SCN2A: variants seen among roughly 807,000 people sequenced by gnomAD.
SCN2A encodes sodium voltage-gated channel alpha subunit 2, also known as sodium channel protein type 2 subunit alpha.
In SCN2A, 20 loss-of-function variants were observed where a neutral mutation model predicts 188.7. The observed-to-expected ratio is 0.11, with a 90% CI of 0.07 to 0.15. SCN2A has a LOEUF of 0.15. Ranked by LOEUF, SCN2A falls within the 10% of genes least tolerant of loss-of-function variation. The pLI, the probability that SCN2A is intolerant of heterozygous loss-of-function variation, is 1.00. For missense variants in SCN2A, 1,278 were observed against 2,445.0 expected, an observed-to-expected ratio of 0.52 and a Z score of 10.07; for synonymous variants, 804 against 833.1, an observed-to-expected ratio of 0.97 and a Z score of 0.60.
intron 20 of SCN2A, 94 bp downstream of exon 20, chr2:165,370,393 GT>G: frequency 8.4e-6 from 10 of 1,191,864 alleles, no homozygotes; most frequent in Non-Finnish European, 1.3e-5. Context: ...CAGTAACACT[GT>G]ATCAGCCCAA....
At chr2:165,360,691 T>C (rs1291995598) in intron 17 of SCN2A, among the ~76,000 whole-genome samples, 1 of 151,936 alleles carries the variant, frequency 6.6e-6, no homozygotes, top group African/African-American at 2.4e-5. Context: ...GCAAGGGCTA[T>C]GCTACAAACA....
intron 1 of SCN2A, among the ~76,000 whole-genome samples, chr2:165,247,381 C>T (rs1286374865): frequency 2.0e-5 from 3 of 151,920 alleles, no homozygotes; most frequent in South Asian, 2.1e-4. Flanking sequence ...TTTAAATTTA[C>T]GTTAGTCAAG....
chr2:165,351,082 T>C (rs1040660045), intron 16 of SCN2A, among the ~76,000 whole-genome samples: 1 of 152,156 alleles, frequency 6.6e-6, no homozygotes, highest in Non-Finnish European at 1.5e-5. Context: ...ATTTATTTTA[T>C]AGATGAGGAA....
intron 21 of SCN2A, among the ~76,000 whole-genome samples, chr2:165,374,295 A>C (rs1253431570): frequency 6.6e-6 from 1 of 152,126 alleles, no homozygotes; most frequent in Non-Finnish European, 1.5e-5. Flanking sequence ...TTTGATCCCC[A>C]AGTGGTCTCT....
intron 1 of SCN2A, among the ~76,000 whole-genome samples, chr2:165,247,831 A>G (rs1341771985): frequency 1.3e-5 from 2 of 152,210 alleles, no homozygotes; most frequent in East Asian, 3.8e-4. Context: ...TTGGATATCT[A>G]GAAGACACTG....
chr2:165,240,057 GC>G (rs1693547553), intron 1 of SCN2A: 1 of 152,200 alleles, frequency 6.6e-6, no homozygotes, highest in Admixed American at 6.5e-5. Flanking sequence ...TCAGAGGCAA[GC>G]CAATATTCTG....
intron 10 of SCN2A, 44 bp from the exon 11 acceptor site, chr2:165,315,427 T>A: frequency 6.2e-7 from 1 of 1,611,658 alleles, no homozygotes; most frequent in Non-Finnish European, 8.5e-7. Flanking sequence ...GATAATTACT[T>A]TTTAAGTTTA....
At chr2:165,313,184 T>C (rs1022757923) in intron 8 of SCN2A, among the ~76,000 whole-genome samples, 10 of 152,110 alleles carry the variant, frequency 6.6e-5, no homozygotes, top group Non-Finnish European at 7.4e-5. Context: ...ATGACATTTT[T>C]ACCACACAGT....
intron 14 of SCN2A, among the ~76,000 whole-genome samples, chr2:165,336,982 G>A (rs1699035793): frequency 6.6e-6 from 1 of 151,718 alleles, no homozygotes; most frequent in Admixed American, 6.6e-5. Flanking sequence ...GCGGTACATA[G>A]AAATAGATCT....
At chr2:165,284,870 G>A (rs1169883025) in intron 1 of SCN2A, among the ~76,000 whole-genome samples, 1 of 152,074 alleles carries the variant, frequency 6.6e-6, no homozygotes, top group Non-Finnish European at 1.5e-5. Context: ...ATTTAGAGAC[G>A]GTTGAATGAG....
chr2:165,291,526 TTCC>T (rs1696183912), intron 1 of SCN2A, among the ~76,000 whole-genome samples: 1 of 17,070 alleles, frequency 5.9e-5, no homozygotes, highest in Non-Finnish European at 1.1e-4. Flanking sequence ...TCTCCTTTCT[TTCC>T]TTCCTTCCTT....
At chr2:165,368,802 A>G (rs1299397027) in intron 19 of SCN2A, among the ~76,000 whole-genome samples, 1 of 152,170 alleles carries the variant, frequency 6.6e-6, no homozygotes. Flanking sequence ...AGTTGATTTC[A>G]TTAGGAGAAT....
chr2:165,245,124 T>G (rs1461007443), intron 1 of SCN2A, among the ~76,000 whole-genome samples: 1 of 152,192 alleles, frequency 6.6e-6, no homozygotes, highest in African/African-American at 2.4e-5. Context: ...AGCCCAGCAT[T>G]TCCAGCTAGG....
intron 13 of SCN2A, chr2:165,327,325 A>G: frequency 3.6e-6 from 1 of 275,942 alleles, no homozygotes; most frequent in Non-Finnish European, 7.1e-6. Context: ...TTTGGATTAT[A>G]TTAACTGCTT....
chr2:165,318,790 G>A (rs1251620926), intron 11 of SCN2A, among the ~76,000 whole-genome samples: 1 of 151,986 alleles, frequency 6.6e-6, no homozygotes, highest in Non-Finnish European at 1.5e-5. Context: ...AGCTAATGAG[G>A]AGCAGTATGT....
At chr2:165,294,040 A>ATAT in intron 1 of SCN2A, 6 of 629,734 alleles carry the variant, frequency 9.5e-6, no homozygotes, top group African/African-American at 2.7e-5. Flanking sequence ...AAAAAAAAAG[A>ATAT]TTTTTTTTTT....
At chr2:165,330,117 C>T (rs1330510578) in intron 13 of SCN2A, among the ~76,000 whole-genome samples, 3 of 152,116 alleles carry the variant, frequency 2.0e-5, no homozygotes, top group Non-Finnish European at 4.4e-5. Flanking sequence ...AGGTTTAGTT[C>T]ATAGCAAACT....
chr2:165,335,948 A>G (rs1408706459), intron 14 of SCN2A, among the ~76,000 whole-genome samples: 1 of 151,892 alleles, frequency 6.6e-6, no homozygotes, highest in Non-Finnish European at 1.5e-5. Flanking sequence ...TTGAATAGAC[A>G]TATTGAAAAA....
In SCN2A at chr2:165,368,945, T is replaced by A. The variant is rs182994267; in HGVS notation, c.3676-1181T>A. On this transcript the variant is annotated intron_variant, in intron 19 of 26. Transcript: ENST00000375437. Reference sequence around the variant, plus strand: ...TACCTTTATTATTATTATTATTATTTTTTAGACAGTCTTGCTGTTGCCCAG... The same window carrying A: ...TACCTTTATTATTATTATTATTATTATTTAGACAGTCTTGCTGTTGCCCAG... 2.1e-3 allele frequency among the ~76,000 whole-genome samples: 307 copies of A among 143,638 alleles called. 2 individuals are homozygous for A. The highest frequency in any genetic ancestry group is 0.018 in the East Asian group (82 of 4,656). 94.2% of individuals were successfully genotyped at this position (143,638 alleles called of 152,430 possible). A position where few individuals can be genotyped will look rare whatever the true frequency, so the allele number is the denominator to read the frequency against.
Sources: gnomAD v4.1 joint callset for allele counts (sites outside exome capture counted in the v4.1 genomes callset) on GRCh38, gnomAD v4.1.1 for gene constraint, MANE v1.5 for transcripts, NCBI Gene and HGNC (gene_info 2026-07-23, HGNC 2026-07-21) for gene names.